The following MAGI2 variants were observed in gnomAD, a reference collection of about 807,000 sequenced individuals.
MAGI2 encodes membrane-associated guanylate kinase, WW and PDZ domain-containing protein 2.
MAGI2 carries 35 observed loss-of-function variants against 133.3 expected under a neutral mutation model. The ratio of observed to expected loss-of-function variants is 0.26; its 90% CI spans 0.20 to 0.35. MAGI2 has a LOEUF of 0.35. Among genes scored for constraint, MAGI2 ranks in the 10% least tolerant of loss-of-function variants. The pLI is 1.00. For missense variants in MAGI2, 1,636 were observed against 1,863.4 expected (o/e 0.88, Z 2.25); for synonymous variants, 729 against 710.6 (o/e 1.03, Z -0.41).
chr7:78,139,729 T>G (rs1381802907), intron 16 of MAGI2, among the ~76,000 whole-genome samples: 2 of 152,214 alleles, frequency 1.3e-5, no homozygotes, highest in Non-Finnish European at 1.5e-5. Flanking sequence ...TCATTTGGCT[T>G]TAGACGTACT....
chr7:79,424,154 T>A (rs1395465473), intron 1 of MAGI2, among the ~76,000 whole-genome samples: 1 of 152,156 alleles, frequency 6.6e-6, no homozygotes, highest in Non-Finnish European at 1.5e-5. Context: ...AGTGTCCATG[T>A]GCAGTAGAAA....
chr7:78,421,824 C>T (rs927680180), intron 6 of MAGI2, among the ~76,000 whole-genome samples: 10 of 152,038 alleles, frequency 6.6e-5, no homozygotes, highest in African/African-American at 1.9e-4. Flanking sequence ...AAAACATAAA[C>T]AAAAACATCA....
chr7:78,788,094 G>A (rs1022224093), intron 2 of MAGI2, among the ~76,000 whole-genome samples: 3 of 152,210 alleles, frequency 2.0e-5, no homozygotes, highest in African/African-American at 7.2e-5. Context: ...GTGCAAAGCA[G>A]TGATCAATTT....
intron 1 of MAGI2, among the ~76,000 whole-genome samples, chr7:79,225,613 T>C (rs1830784743): frequency 6.6e-6 from 1 of 152,214 alleles, no homozygotes; most frequent in Admixed American, 6.5e-5. Flanking sequence ...TTGTAAAATA[T>C]ATCACAGCAG....
intron 21 of MAGI2, among the ~76,000 whole-genome samples, chr7:78,041,210 A>G (rs1282040674): frequency 1.3e-5 from 2 of 152,222 alleles, no homozygotes; most frequent in Non-Finnish European, 2.9e-5. Flanking sequence ...AAGCCTCTGG[A>G]GGCTCCTTGG....
chr7:78,970,211 G>T (rs1288669329), intron 2 of MAGI2, among the ~76,000 whole-genome samples: 2 of 151,914 alleles, frequency 1.3e-5, no homozygotes, highest in Non-Finnish European at 2.9e-5. Flanking sequence ...CATATATGAG[G>T]GTTATAAATC....
At chr7:78,856,582 G>A (rs1055532893) in intron 2 of MAGI2, among the ~76,000 whole-genome samples, 17 of 152,044 alleles carry the variant, frequency 1.1e-4, no homozygotes, top group African/African-American at 2.4e-4. Flanking sequence ...TATTATTTCC[G>A]AGGGCTCTGT....
intron 2 of MAGI2, among the ~76,000 whole-genome samples, chr7:78,881,433 T>TGGGGGGA (rs1045904851): frequency 2.9e-5 from 1 of 33,906 alleles, no homozygotes; most frequent in African/African-American, 1.2e-4. Flanking sequence ...TGTCGTGGGA[T>TGGGGGGA]GGGGGGAGGG....
At chr7:78,384,360 C>A (rs1288569695) in intron 6 of MAGI2, among the ~76,000 whole-genome samples, 3 of 152,074 alleles carry the variant, frequency 2.0e-5, no homozygotes, top group Non-Finnish European at 4.4e-5. Context: ...TCAGGCAGAG[C>A]CAGCCAATAA....
rs1267083901 is a variant in MAGI2, at chr7:78,349,502, C to T, written c.1104-3459G>A. On this transcript the variant is annotated intron_variant, in intron 7 of 21. Transcript: ENST00000354212. ...CCCAGTTCCTCCAACTTTCCACCTG[C>T]ATGTAATTATTTTCTTAGAAAAGTT... is the stretch of plus-strand genomic sequence containing the variant. Among the ~76,000 whole-genome samples the T allele has an allele frequency of 3.9e-5, 6 of 152,186 alleles. No homozygotes were observed. The East Asian group carries it at 1.2e-3, about 29-fold the overall frequency.
At chr7:78,324,321 C>T (rs1041716477) in intron 9 of MAGI2, among the ~76,000 whole-genome samples, 1 of 152,112 alleles carries the variant, frequency 6.6e-6, no homozygotes, top group Admixed American at 6.5e-5. Context: ...GTTCATCCAC[C>T]AACCAGAGCC....
chr7:79,304,566 G>A (rs1452999534), intron 1 of MAGI2, among the ~76,000 whole-genome samples: 7 of 152,272 alleles, frequency 4.6e-5, no homozygotes, highest in African/African-American at 1.7e-4. Flanking sequence ...ACCCTGGAGA[G>A]TGATTGTGTA....
intron 20 of MAGI2, among the ~76,000 whole-genome samples, chr7:78,122,595 G>A (rs989912022): frequency 6.6e-5 from 10 of 152,116 alleles, no homozygotes; most frequent in African/African-American, 2.4e-4. Flanking sequence ...ATGAAGTTAT[G>A]AAATAATGTT....
At chr7:78,132,813 T>C in intron 18 of MAGI2, 76 bp downstream of exon 18, 4 of 1,603,294 alleles carry the variant, frequency 2.5e-6, no homozygotes, top group Non-Finnish European at 3.4e-6. Flanking sequence ...CTGCCTGTCC[T>C]GTGCTGTCCC....
At chr7:79,191,368 A>AGCATTTC (rs1390233841) in intron 1 of MAGI2, among the ~76,000 whole-genome samples, 1 of 124,596 alleles carries the variant, frequency 8.0e-6, no homozygotes, top group Non-Finnish European at 1.7e-5. Flanking sequence ...TCATTTCCTG[A>AGCATTTC]GCATTTCTTC....
In MAGI2 at chr7:78,922,239, T is replaced by A. The variant is rs367672666; in HGVS notation, c.418+84851A>T. ...TAAGTTTTAGGGTACATGTGCACAA[T>A]GTGCAGGTTAGTTACATATGTATAC... On this transcript the variant is annotated intron_variant, in intron 2 of 21. Coordinates refer to ENST00000354212, the MANE Select transcript of MAGI2 (RefSeq NM_012301.4). Among the ~76,000 whole-genome samples the A allele has an allele frequency of 2.8e-4, 43 of 151,750 alleles. No homozygotes were observed. In the South Asian group the frequency reaches 5.6e-3, roughly 20 times the overall value.
rs138990473 is a variant in MAGI2 at position 78,210,848 on chromosome 7, G to T, written c.2048-9655C>A. Among the ~76,000 whole-genome samples, 92 of 152,290 alleles carry T rather than the reference G, an allele frequency of 6.0e-4. 1 individual carries two copies. Among genetic ancestry groups the T allele is most frequent in the African/African-American group, 2.0e-3 (83 of 41,560 alleles). The stretch of plus-strand genomic sequence containing the variant: ...TGGTTTGTCAGAGAGGAGGGTCACT[G>T]GTGACCTCAGTGGAAGCAGTTCAAT... On this transcript the variant is annotated intron_variant, in intron 10 of 21. Coordinates refer to ENST00000354212, the MANE Select transcript of MAGI2 (RefSeq NM_012301.4).
chr7:78,217,660 C>T (rs1283788672), intron 10 of MAGI2, among the ~76,000 whole-genome samples: 5 of 152,180 alleles, frequency 3.3e-5, no homozygotes, highest in Non-Finnish European at 7.4e-5. Context: ...TTGGCCCACA[C>T]CCTCTCTGAC....
At chr7:79,064,967 G>T (rs1814155038) in intron 1 of MAGI2, among the ~76,000 whole-genome samples, 1 of 151,924 alleles carries the variant, frequency 6.6e-6, no homozygotes, top group African/African-American at 2.4e-5. Context: ...ATTATTGGTG[G>T]AACTACAAAA....
Sources: gnomAD v4.1 joint callset for allele counts (sites outside exome capture counted in the v4.1 genomes callset) on GRCh38, gnomAD v4.1.1 for gene constraint, MANE v1.5 for transcripts, NCBI Gene and HGNC (gene_info 2026-07-23, HGNC 2026-07-21) for gene names.